The following PPP3CC variants were observed in gnomAD, a reference collection of about 807,000 sequenced individuals.
PPP3CC encodes protein phosphatase 3 catalytic subunit gamma, also known as serine/threonine-protein phosphatase 2B catalytic subunit gamma isoform.
PPP3CC carries 35 observed loss-of-function variants against 60.3 expected under a neutral mutation model. The observed-to-expected ratio is 0.58, with a 90% confidence interval of 0.44 to 0.77. PPP3CC has a LOEUF of 0.77. Ranked by LOEUF, PPP3CC falls within the 30% of genes least tolerant of loss-of-function variation. The pLI, the probability that PPP3CC is intolerant of heterozygous loss-of-function variation, is 0.00. For synonymous variants in PPP3CC, 206 were observed against 224.3 expected, an observed-to-expected ratio of 0.92 and a Z score of 0.73; for missense variants, 570 against 628.9, an observed-to-expected ratio of 0.91 and a Z score of 1.00.
intron 10 of PPP3CC, among the ~76,000 whole-genome samples, chr8:22,531,987 C>T (rs1839728495): frequency 6.6e-6 from 1 of 152,212 alleles, no homozygotes; most frequent in South Asian, 2.1e-4. Context: ...CATAGATCCA[C>T]CCAGTCTGTC....
intron 4 of PPP3CC, among the ~76,000 whole-genome samples, chr8:22,508,721 A>G (rs547009991): frequency 2.3e-3 from 355 of 152,354 alleles, no homozygotes; most frequent in Non-Finnish European, 3.8e-3. Flanking sequence ...CCTTACTGAC[A>G]CTGGCAACAG....
chr8:22,499,076 G>C (rs1026108072), intron 4 of PPP3CC, among the ~76,000 whole-genome samples: 2 of 151,248 alleles, frequency 1.3e-5, no homozygotes, highest in African/African-American at 4.9e-5. Flanking sequence ...GTGAGATCCT[G>C]CCACTGTACT....
chr8:22,510,418 C>G (rs1839052640), intron 4 of PPP3CC, among the ~76,000 whole-genome samples: 1 of 152,130 alleles, frequency 6.6e-6, no homozygotes, highest in African/African-American at 2.4e-5. Flanking sequence ...TCTCTTAAGA[C>G]TCCAGTTTCC....
chr8:22,478,142 G>A (rs561810582), intron 3 of PPP3CC, among the ~76,000 whole-genome samples: 20 of 151,428 alleles, frequency 1.3e-4, no homozygotes, highest in African/African-American at 4.1e-4. Flanking sequence ...GAGCCACTGC[G>A]CCTGGCAATA....
At chr8:22,492,798 A>T (rs1666956608) in intron 3 of PPP3CC, 1 of 1,001,290 alleles carries the variant, frequency 1.0e-6, no homozygotes, top group Admixed American at 1.7e-5. Context: ...GGTATTGAAG[A>T]GGTGAATATG....
intron 1 of PPP3CC, among the ~76,000 whole-genome samples, chr8:22,454,270 G>A (rs1425752072): frequency 1.3e-5 from 2 of 151,870 alleles, no homozygotes; most frequent in African/African-American, 4.8e-5. Context: ...ATTAGCTGAG[G>A]CCTCCAGAGA....
chr8:22,453,898 T>G (rs2132435342), intron 1 of PPP3CC, among the ~76,000 whole-genome samples: 1 of 152,276 alleles, frequency 6.6e-6, no homozygotes, highest in Admixed American at 6.5e-5. Flanking sequence ...TTAACATGAA[T>G]AGGGCTTGCA....
chr8:22,500,899 A>G (rs1319733540), intron 4 of PPP3CC, among the ~76,000 whole-genome samples: 1 of 152,182 alleles, frequency 6.6e-6, no homozygotes, highest in Non-Finnish European at 1.5e-5. Context: ...CATGCCTGTA[A>G]TCCCAGTACT....
chr8:22,483,361 A>C lies in PPP3CC; in HGVS notation c.372+7737A>C, dbSNP rs1838126631. 3.3e-5 allele frequency among the ~76,000 whole-genome samples: 5 copies of C among 152,208 alleles called. No homozygotes were observed. The South Asian group carries it at 1.0e-3, about 32-fold the overall frequency. ...GAGTGCAGTGGCGCAATCTCGACTC[A>C]CTGCAGGCTCCGCCTCCAGGGTTCA... On this transcript the variant is annotated intron_variant, in intron 3 of 13. Coordinates refer to ENST00000240139, the MANE Select transcript of PPP3CC (RefSeq NM_005605.5).
intron 12 of PPP3CC, among the ~76,000 whole-genome samples, chr8:22,535,516 C>G (rs1441438048): frequency 1.3e-5 from 2 of 151,112 alleles, no homozygotes; most frequent in Admixed American, 1.3e-4. Flanking sequence ...TTTTTTTTCC[C>G]AAGAGACAGA....
intron 3 of PPP3CC, among the ~76,000 whole-genome samples, chr8:22,492,176 A>C (rs1838424625): frequency 6.6e-6 from 1 of 152,136 alleles, no homozygotes; most frequent in Non-Finnish European, 1.5e-5. Context: ...TGAATACTGT[A>C]GGCAGTTGTA....
At chr8:22,462,516 A>G (rs1837390787) in intron 1 of PPP3CC, among the ~76,000 whole-genome samples, 1 of 151,556 alleles carries the variant, frequency 6.6e-6, no homozygotes, top group African/African-American at 2.4e-5. Context: ...TAAAGCTTTG[A>G]TGGTAGACAT....
chr8:22,524,255 T>G (rs1239788590), intron 8 of PPP3CC, among the ~76,000 whole-genome samples: 1 of 152,238 alleles, frequency 6.6e-6, no homozygotes, highest in Non-Finnish European at 1.5e-5. Flanking sequence ...ATACCTTGTA[T>G]ATGCAGTTGG....
At chr8:22,465,985 C>G (rs1323289150) in intron 1 of PPP3CC, among the ~76,000 whole-genome samples, 2 of 152,134 alleles carry the variant, frequency 1.3e-5, no homozygotes, top group Admixed American at 6.5e-5. Flanking sequence ...TCTCCCTCCC[C>G]CAGCCCCCCA....
intron 9 of PPP3CC, among the ~76,000 whole-genome samples, chr8:22,527,924 C>T (rs1586867515): frequency 1.3e-5 from 2 of 152,108 alleles, no homozygotes; most frequent in African/African-American, 2.4e-5. Context: ...TGTGAGCCAC[C>T]GTGCCCAGCC....
chr8:22,510,656 G>A (rs1839060273), intron 4 of PPP3CC, among the ~76,000 whole-genome samples: 1 of 152,132 alleles, frequency 6.6e-6, no homozygotes, highest in African/African-American at 2.4e-5. Flanking sequence ...ACCAGCTCAG[G>A]TACAAGGAAA....
At chr8:22,441,586 A>G (rs1836672833) in intron 1 of PPP3CC, 128 bp downstream of exon 1, 3 of 1,043,320 alleles carry the variant, frequency 2.9e-6, no homozygotes, top group African/African-American at 1.7e-5. Flanking sequence ...GGGTGTAGAC[A>G]GAGCCGGGCG....
intron 1 of PPP3CC, among the ~76,000 whole-genome samples, chr8:22,472,296 T>C (rs1837746916): frequency 6.9e-6 from 1 of 145,426 alleles, no homozygotes; most frequent in East Asian, 1.9e-4. Flanking sequence ...CTTTATATCT[T>C]TATAGGCTTT....
At chr8:22,464,543 C>G (rs1837459272) in intron 1 of PPP3CC, among the ~76,000 whole-genome samples, 1 of 152,080 alleles carries the variant, frequency 6.6e-6, no homozygotes, top group East Asian at 1.9e-4. Flanking sequence ...CCACACTCAA[C>G]TAATTTTTGT....
Sources: allele counts gnomAD v4.1 joint callset (sites outside exome capture counted in the v4.1 genomes callset), GRCh38; gene constraint gnomAD v4.1.1; transcripts MANE v1.5; gene names NCBI Gene and HGNC (gene_info 2026-07-23, HGNC 2026-07-21).